The following DGLUCY variants were observed in gnomAD, a reference collection of about 807,000 sequenced individuals.
The protein encoded by DGLUCY is D-glutamate cyclase.
A neutral mutation model predicts 58.5 loss-of-function variants in DGLUCY; 58 were observed. That is an observed-to-expected ratio of 0.99 (90% CI 0.80 to 1.23). The LOEUF is 1.23. Ranked by LOEUF, DGLUCY falls within the 50% of genes most tolerant of loss-of-function variation. DGLUCY has a pLI of 0.00. For missense variants in DGLUCY, 779 were observed against 784.7 expected, an observed-to-expected ratio of 0.99 and a Z score of 0.09; for synonymous variants, 325 against 314.1, an observed-to-expected ratio of 1.03 and a Z score of -0.37.
chr14:91,137,081 C>A (rs1025448728), intron 1 of DGLUCY, among the ~76,000 whole-genome samples: 61 of 151,406 alleles, frequency 4.0e-4, no homozygotes, highest in Non-Finnish European at 7.7e-4. Context: ...AGAGAGTGAT[C>A]TAATGCTCAT....
intron 1 of DGLUCY, among the ~76,000 whole-genome samples, chr14:91,147,165 A>G (rs1244584875): frequency 6.6e-6 from 1 of 152,168 alleles, no homozygotes; most frequent in Non-Finnish European, 1.5e-5. Context: ...GCCAACAGTG[A>G]CCTCAAAAGT....
At chr14:91,130,023 C>T (rs2045942068) in intron 1 of DGLUCY, among the ~76,000 whole-genome samples, 1 of 152,168 alleles carries the variant, frequency 6.6e-6, no homozygotes, top group Non-Finnish European at 1.5e-5. Context: ...CATAGTGTTA[C>T]ATTGTATGAT....
At chr14:91,147,432 G>T (rs1419767053) in intron 1 of DGLUCY, among the ~76,000 whole-genome samples, 1 of 152,044 alleles carries the variant, frequency 6.6e-6, no homozygotes, top group Non-Finnish European at 1.5e-5. Context: ...TACAGAATAG[G>T]GCCCAGCCTC....
chr14:91,133,575 G>C (rs535161725), intron 1 of DGLUCY, among the ~76,000 whole-genome samples: 10 of 151,954 alleles, frequency 6.6e-5, no homozygotes, highest in Non-Finnish European at 1.3e-4. Flanking sequence ...TTTTTCTAGA[G>C]ATGGGGTCTT....
chr14:91,199,898 A>G lies in DGLUCY; in HGVS notation c.1437A>G (p.Ser479=), dbSNP rs755659930. The change falls in exon 11 of 14, where the codon TCA becomes TCG. Residue 479 remains serine, a synonymous_variant. Coordinates refer to ENST00000256324, the MANE Select transcript of DGLUCY (RefSeq NM_001102368.3). ...CTGCGAAGAAGATTCCTGGAATCTC[A>G]TCAACTGGTAAGTATGGAGTACTGG... is the stretch of plus-strand genomic sequence containing the variant. The part of the protein sequence containing the change: ...FLAAKKIPGI[S]STGVGDGGNE... 1 of 1,614,050 alleles carries G rather than the reference A, an allele frequency of 6.2e-7. No individual in the cohort carries two copies. Among genetic ancestry groups the G allele is most frequent in the African/African-American group, 1.3e-5 (1 of 74,928 alleles).
chr14:91,204,505 C>T (rs1884191100), intron 11 of DGLUCY, among the ~76,000 whole-genome samples: 1 of 152,184 alleles, frequency 6.6e-6, no homozygotes, highest in Non-Finnish European at 1.5e-5. Flanking sequence ...TAGTGTGTTC[C>T]AAACGTGGAC....
intron 13 of DGLUCY, among the ~76,000 whole-genome samples, chr14:91,222,072 C>T (rs992683336): frequency 1.3e-5 from 2 of 152,232 alleles, no homozygotes; most frequent in Admixed American, 6.5e-5. Context: ...CTCCATTCCT[C>T]CTCTCCTGCC....
chr14:91,130,392 C>G (rs904699465), intron 1 of DGLUCY, among the ~76,000 whole-genome samples: 2 of 151,340 alleles, frequency 1.3e-5, no homozygotes, highest in East Asian at 1.9e-4. Flanking sequence ...CCTGCAACCT[C>G]CGCCTCCTGG....
chr14:91,092,630 G>A (rs2044331132), intron 1 of DGLUCY, among the ~76,000 whole-genome samples: 1 of 152,218 alleles, frequency 6.6e-6, no homozygotes, highest in African/African-American at 2.4e-5. Context: ...AATGCTTGCT[G>A]CAGTTGTGGT....
chr14:91,127,053 C>CTTTTTTTTTTT, intron 1 of DGLUCY, among the ~76,000 whole-genome samples: 1 of 98,372 alleles, frequency 1.0e-5, no homozygotes, highest in Non-Finnish European at 1.9e-5. Flanking sequence ...TGATGATACT[C>CTTTTTTTTTTT]TTTTTTTTTT....
chr14:91,182,997 T>C (rs1399339299), intron 8 of DGLUCY, among the ~76,000 whole-genome samples: 1 of 151,706 alleles, frequency 6.6e-6, no homozygotes, highest in Non-Finnish European at 1.5e-5. Flanking sequence ...TATTTTATTT[T>C]ATTTTATTTT....
chr14:91,170,165 A>C lies in DGLUCY; in HGVS notation c.420A>C (p.Arg140Ser). The change falls in exon 5 of 14, where the codon AGA becomes AGC. Residue 140 changes from arginine to serine, a missense_variant. By Grantham distance (110) the Arg-to-Ser change is moderately radical. Coordinates refer to ENST00000256324, the MANE Select transcript of DGLUCY (RefSeq NM_001102368.3). ...TGGAGAAAGCGGGGCTCCCCAGAAGAGACCCAGCAGGTCACAGCCAGGCGG... is the reference window on the plus strand; with the variant it reads ...TGGAGAAAGCGGGGCTCCCCAGAAGCGACCCAGCAGGTCACAGCCAGGCGG... ...EALEKAGLPR[R>S]DPAGHSQAGA... The C allele has an allele frequency of 6.2e-7, 1 of 1,613,752 alleles. No homozygotes were observed. The highest frequency in any genetic ancestry group is 1.3e-5 in the African/African-American group (1 of 75,070).
At chr14:91,131,827 G>A (rs903017957) in intron 1 of DGLUCY, among the ~76,000 whole-genome samples, 14 of 152,000 alleles carry the variant, frequency 9.2e-5, no homozygotes, top group African/African-American at 2.4e-4. Flanking sequence ...ACGGAGTTTC[G>A]CTCTTGTTGC....
At chr14:91,088,708 A>C (rs2044261707) in intron 1 of DGLUCY, among the ~76,000 whole-genome samples, 2 of 151,996 alleles carry the variant, frequency 1.3e-5, no homozygotes, top group Non-Finnish European at 1.5e-5. Flanking sequence ...GGTGACCTCA[A>C]CTCCCAGTGC....
upstream of DGLUCY, among the ~76,000 whole-genome samples, chr14:91,104,132 G>A (rs1468660666): frequency 7.4e-6 from 1 of 135,194 alleles, no homozygotes; most frequent in Non-Finnish European, 1.5e-5. Context: ...GTGCGATCTC[G>A]GCTCACTGCA....
chr14:91,147,456 T>C lies in DGLUCY; in HGVS notation c.-81-10183T>C, dbSNP rs575899942. On this transcript the variant is annotated intron_variant, in intron 1 of 13. Transcript: ENST00000256324. ...GGGCCCAGCCTCAACTATTTTTGGA[T>C]GCAGCTTGAATGGACTGAAAGACCC... Among the ~76,000 whole-genome samples, 13 of 152,276 alleles carry C rather than the reference T, an allele frequency of 8.5e-5. 1 individual carries two copies. The highest frequency in any genetic ancestry group is 2.2e-4 in the African/African-American group (9 of 41,560).
chr14:91,101,483 T>C (rs2044486122), intron 1 of DGLUCY, among the ~76,000 whole-genome samples: 1 of 152,218 alleles, frequency 6.6e-6, no homozygotes, highest in Non-Finnish European at 1.5e-5. Context: ...GTGGAGATGC[T>C]CAGAAAGCAG....
At chr14:91,142,320 G>C (rs1423007874) in intron 1 of DGLUCY, among the ~76,000 whole-genome samples, 1 of 151,944 alleles carries the variant, frequency 6.6e-6, no homozygotes, top group Non-Finnish European at 1.5e-5. Context: ...TTGCATTTTT[G>C]ACAAGCACTC....
intron 1 of DGLUCY, among the ~76,000 whole-genome samples, chr14:91,069,799 CTTTTT>C (rs5810528): frequency 8.3e-6 from 1 of 121,024 alleles, no homozygotes. Flanking sequence ...TGATATGCCT[CTTTTT>C]TTTTTTTTTT....
Sources: allele counts gnomAD v4.1 joint callset (sites outside exome capture counted in the v4.1 genomes callset), GRCh38; gene constraint gnomAD v4.1.1; transcripts MANE v1.5; gene names NCBI Gene and HGNC (gene_info 2026-07-23, HGNC 2026-07-21).